Variants in DLGAP5 observed in about 807,000 individuals in gnomAD.
The protein encoded by DLGAP5 is DLG associated protein 5.
A neutral mutation model predicts 99.6 loss-of-function variants in DLGAP5; 90 were observed. The ratio of observed to expected loss-of-function variants is 0.90; its 90% CI spans 0.76 to 1.08. DLGAP5 has a LOEUF of 1.08. Among genes scored for constraint, DLGAP5 ranks in the 50% least tolerant of loss-of-function variants. DLGAP5 has a pLI of 0.00. For synonymous variants in DLGAP5, 311 were observed against 321.3 expected (o/e 0.97, Z 0.34); for missense variants, 1,036 against 983.5 (o/e 1.05, Z -0.71).
chr14:55,148,587 T>G lies in DLGAP5; in HGVS notation c.2419-114A>C, dbSNP rs769691442. ...AACAAAAATAAACCGGGTGCGGTGGTGCACACCTGTAGTCCCAGCTACTCG... is the reference window on the plus strand; with the variant it reads ...AACAAAAATAAACCGGGTGCGGTGGGGCACACCTGTAGTCCCAGCTACTCG... On this transcript the variant is annotated intron_variant, in intron 18 of 18. Transcript: ENST00000247191. The G allele has an allele frequency of 7.7e-6, 12 of 1,558,904 alleles. 1 individual carries two copies. In the South Asian group the frequency reaches 1.4e-4, roughly 18 times the overall value.
At chr14:55,171,784 T>G (rs1403820869) in intron 10 of DLGAP5, among the ~76,000 whole-genome samples, 1 of 152,128 alleles carries the variant, frequency 6.6e-6, no homozygotes, top group Non-Finnish European at 1.5e-5. Flanking sequence ...TTATTCGGCC[T>G]TAAAAAGGAA....
In DLGAP5 at chr14:55,152,619, C is replaced by G. The variant is rs1377598302; in HGVS notation, c.2092G>C (p.Gly698Arg). 3 of 1,601,734 alleles carry G rather than the reference C, an allele frequency of 1.9e-6. No individual in the cohort carries two copies. Among genetic ancestry groups the G allele is most frequent in the Non-Finnish European group, 2.6e-6 (3 of 1,175,158 alleles). ...TTTTCTTCAATTAAATCTGGTAATC[C>G]AGGACACTGAGCATCTTCTATGCTG... ...RSSIEDAQCP[G>R]LPDLIEENHV... Residue 698 changes from glycine (G) to arginine (R), a missense_variant, in exon 16 of 19, where the codon GGA becomes CGA. Gly to Arg is a moderately radical substitution (Grantham distance 125, BLOSUM62 -2). Coordinates refer to ENST00000247191, the MANE Select transcript of DLGAP5 (RefSeq NM_014750.5).
intron 12 of DLGAP5, among the ~76,000 whole-genome samples, chr14:55,166,581 TAGAC>T (rs1456334364): frequency 6.6e-6 from 1 of 151,766 alleles, no homozygotes; most frequent in Non-Finnish European, 1.5e-5. Context: ...AATACAAAAT[TAGAC>T]AGGCACGGTG....
At chr14:55,158,184 T>C (rs1026726823) in intron 14 of DLGAP5, among the ~76,000 whole-genome samples, 1 of 152,262 alleles carries the variant, frequency 6.6e-6, no homozygotes, top group African/African-American at 2.4e-5. Flanking sequence ...TACTTCTTCA[T>C]GCTTCCGTCA....
intron 10 of DLGAP5, among the ~76,000 whole-genome samples, chr14:55,173,601 C>CTATA (rs1555329004): frequency 2.1e-5 from 3 of 142,528 alleles, no homozygotes; most frequent in African/African-American, 3.1e-5. Context: ...CTCTCTCTCT[C>CTATA]TCTATATATA....
At chr14:55,174,505 T>C (rs1055395431) in intron 10 of DLGAP5, among the ~76,000 whole-genome samples, 1 of 152,106 alleles carries the variant, frequency 6.6e-6, no homozygotes, top group African/African-American at 2.4e-5. Flanking sequence ...TAATAAAAAC[T>C]TGCTGGTTTT....
At chr14:55,152,084 C>A in intron 16 of DLGAP5, 143 bp from the exon 17 acceptor site, 5 of 764,998 alleles carry the variant, frequency 6.5e-6, no homozygotes, top group Admixed American at 3.0e-5. Flanking sequence ...ATCCTACTAT[C>A]CTGCTTCTTC....
At chr14:55,165,319 A>G (rs752260377) in intron 12 of DLGAP5, among the ~76,000 whole-genome samples, 4 of 152,082 alleles carry the variant, frequency 2.6e-5, no homozygotes, top group Non-Finnish European at 5.9e-5. Flanking sequence ...CAGGAGTAAG[A>G]CCTGGCCACC....
chr14:55,178,863 A>T (rs1440084142), intron 7 of DLGAP5, among the ~76,000 whole-genome samples: 1 of 152,124 alleles, frequency 6.6e-6, no homozygotes, highest in Non-Finnish European at 1.5e-5. Flanking sequence ...CCTGGCCAAC[A>T]TGGTGAAACC....
At chr14:55,170,125 C>T (rs1882803029) in intron 11 of DLGAP5, among the ~76,000 whole-genome samples, 1 of 151,114 alleles carries the variant, frequency 6.6e-6, no homozygotes, top group Non-Finnish European at 1.5e-5. Flanking sequence ...ACAAGAGCAA[C>T]ACTCATCTTA....
chr14:55,175,425 G>A lies in DLGAP5; in HGVS notation c.1222C>T (p.Leu408Phe), dbSNP rs935229401. 6.5e-7 allele frequency: 1 copy of A among 1,548,302 alleles called. No homozygotes were observed. The highest frequency in any genetic ancestry group is 8.9e-7 in the Non-Finnish European group (1 of 1,126,386). Residue 408 changes from leucine to phenylalanine, a missense_variant, in exon 10 of 19, where the codon CTT becomes TTT. By Grantham distance (22) the Leu-to-Phe change is conservative (BLOSUM62 0). Transcript: ENST00000247191. ...AGTGATGGGACTTCTTTTATTGGAA[G>A]GCCATTTAAATTTTTAGTAGTAGCT... is the stretch of plus-strand genomic sequence containing the variant. Reference protein sequence around the residue: ...NEATTKNLNGLPIKEVPSLER... With the variant: ...NEATTKNLNGFPIKEVPSLER...
chr14:55,175,557 C>A, intron 9 of DLGAP5, 85 bp from the exon 10 acceptor site: 1 of 872,396 alleles, frequency 1.1e-6, no homozygotes, highest in Non-Finnish European at 1.7e-6. Flanking sequence ...TTTAAAAATC[C>A]TTTTCAATGT....
Position 55,191,541 on chromosome 14 carries a change from G to A in DLGAP5, c.-80C>T, listed in dbSNP as rs3759666. ...GGTCTGGACGACCACCGCCGACTCC[G>A]AAGCAGGAACCCTCACAACCCGAGC... On this transcript the variant is annotated 5_prime_UTR_variant, in exon 1 of 19. Transcript: ENST00000247191. 12,506 of 152,764 alleles carry A rather than the reference G, an allele frequency of 0.082. 1,386 individuals are homozygous for A. The highest frequency in any genetic ancestry group is 0.25 in the African/African-American group (10,193 of 41,430). 9.5% of individuals were successfully genotyped at this position (152,764 alleles called of 1,614,324 possible).
At chr14:55,169,665 T>G in intron 11 of DLGAP5, 106 bp from the exon 12 acceptor site, 1 of 1,000,382 alleles carries the variant, frequency 1.0e-6, no homozygotes, top group Non-Finnish European at 1.4e-6. Context: ...GGCCTACAGG[T>G]TGTTAAGCAA....
Position 55,177,350 on chromosome 14 carries a change from TAAC to T in DLGAP5, c.775-17_775-15del, listed in dbSNP as rs574032867. The T allele has an allele frequency of 6.4e-7, 1 of 1,564,006 alleles. No homozygotes were observed. Among genetic ancestry groups the T allele is most frequent in the Non-Finnish European group, 8.6e-7 (1 of 1,161,084 alleles). On this transcript the variant is annotated splice_polypyrimidine_tract_variant and intron_variant, in intron 7 of 18. Transcript: ENST00000247191. ...ACAAGAAATACCCTAGGATGTGAGTTAACAAAGTAGAGTAAGATTTCTCTCTTC... is the reference window on the plus strand; with the variant it reads ...ACAAGAAATACCCTAGGATGTGAGTTAAAGTAGAGTAAGATTTCTCTCTTC...
At chr14:55,184,932 T>C (rs1173406075) in intron 2 of DLGAP5, among the ~76,000 whole-genome samples, 1 of 152,254 alleles carries the variant, frequency 6.6e-6, no homozygotes, top group Non-Finnish European at 1.5e-5. Context: ...TGTTTTAAGC[T>C]GCTAAGTTTT....
rs145699001 is a variant in DLGAP5, at chr14:55,162,448, T to A, written c.1653+523A>T. ...TCCTGGCTAACACAGTGAAACCCCG[T>A]CTCTACTAAAAATACAAAAAATTAG... On this transcript the variant is annotated intron_variant, in intron 13 of 18. Transcript: ENST00000247191. Among the ~76,000 whole-genome samples, 120 of 151,958 alleles carry A rather than the reference T, an allele frequency of 7.9e-4. 2 individuals carry two copies. In the East Asian group the frequency reaches 0.018, roughly 23 times the overall value.
At chr14:55,169,963 C>T (rs1486370404) in intron 11 of DLGAP5, among the ~76,000 whole-genome samples, 1 of 152,022 alleles carries the variant, frequency 6.6e-6, no homozygotes, top group African/African-American at 2.4e-5. Flanking sequence ...GGTGAAACCC[C>T]ATCCCTACTA....
At position 55,175,918 on chromosome 14, in the gene DLGAP5, C is replaced by T. The variant is rs1188473098; in HGVS notation, c.1150G>A (p.Gly384Ser). ...CCTTCATGCCAAACAGTTAGAGGAC[C>T]CAAAGGACATGGCAATTTATTTGAA... is the stretch of plus-strand genomic sequence containing the variant. ...QDSNKLPCPL[G>S]PLTVWHEEHV... Residue 384 changes from glycine (G) to serine (S), a missense_variant, in exon 9 of 19, where the codon GGT (glycine) becomes AGT (serine). By Grantham distance (56) the Gly-to-Ser change is moderately conservative (BLOSUM62 0). Coordinates refer to ENST00000247191, the MANE Select transcript of DLGAP5 (RefSeq NM_014750.5). The T allele has an allele frequency of 6.2e-7, 1 of 1,605,442 alleles. No individual in the cohort carries two copies. The highest frequency in any genetic ancestry group is 1.1e-5 in the South Asian group (1 of 89,412).
Sources: gnomAD v4.1 joint callset for allele counts (sites outside exome capture counted in the v4.1 genomes callset) on GRCh38, gnomAD v4.1.1 for gene constraint, MANE v1.5 for transcripts, NCBI Gene and HGNC (gene_info 2026-07-23, HGNC 2026-07-21) for gene names.